Variants in CTNNA3 observed in about 807,000 individuals in gnomAD.
CTNNA3 encodes the protein catenin alpha 3, also known as catenin alpha-3.
In CTNNA3, 76 loss-of-function variants were observed where a neutral mutation model predicts 95.7. That is an observed-to-expected ratio of 0.79 (90% CI 0.66 to 0.96). CTNNA3 has a LOEUF of 0.96. CTNNA3 is among the 40% of genes least tolerant of loss of function. CTNNA3 has a pLI of 0.00. For synonymous variants in CTNNA3, 431 were observed against 374.4 expected (o/e 1.15, Z -1.74); for missense variants, 1,191 against 1,089.8 (o/e 1.09, Z -1.31).
chr10:66,428,166 A>T lies in CTNNA3; in HGVS notation c.1532-48814T>A, dbSNP rs554874554. On this transcript the variant is annotated intron_variant, in intron 11 of 17. Transcript: ENST00000433211. ...CAAAAGAGACAAAGAAGGCCATTAC[A>T]TAATGGTAAAGGAATCAATTCAACA... Among the ~76,000 whole-genome samples, 20 of 152,322 alleles carry T rather than the reference A, an allele frequency of 1.3e-4. 1 individual carries two copies. In the East Asian group the frequency reaches 3.7e-3, roughly 28 times the overall value.
At chr10:67,636,550 A>G (rs4384297) in intron 2 of CTNNA3, among the ~76,000 whole-genome samples, 20,108 of 152,090 alleles carry the variant, frequency 0.13, 2,364 homozygotes, top group African/African-American at 0.32. Context: ...GACAAACCTG[A>G]CAAAAACAAG....
intron 10 of CTNNA3, among the ~76,000 whole-genome samples, chr10:66,590,870 T>A (rs574808427): frequency 2.6e-5 from 4 of 152,216 alleles, no homozygotes; most frequent in African/African-American, 9.6e-5. Context: ...TATGTGCAGA[T>A]ATAAAAAGAG....
At chr10:67,448,269 G>A (rs1037731118) in intron 5 of CTNNA3, among the ~76,000 whole-genome samples, 1 of 152,152 alleles carries the variant, frequency 6.6e-6, no homozygotes, top group Admixed American at 6.5e-5. Context: ...TCCTGTGTAT[G>A]AAGAGAAATT....
intron 11 of CTNNA3, among the ~76,000 whole-genome samples, chr10:66,473,574 G>A (rs1839210899): frequency 2.0e-5 from 3 of 151,812 alleles, no homozygotes; most frequent in Admixed American, 2.0e-4. Context: ...GTGCAGGTTT[G>A]TTACACATGT....
chr10:66,124,135 T>C (rs1252224074), intron 13 of CTNNA3, among the ~76,000 whole-genome samples: 1 of 152,224 alleles, frequency 6.6e-6, no homozygotes, highest in Non-Finnish European at 1.5e-5. Context: ...CTGCTTCTCT[T>C]ATATAACTGA....
intron 10 of CTNNA3, among the ~76,000 whole-genome samples, chr10:66,593,495 G>A (rs980787291): frequency 1.3e-5 from 2 of 152,040 alleles, no homozygotes; most frequent in Non-Finnish European, 2.9e-5. Context: ...ATCTAGGGTA[G>A]GGCCTCAATA....
chr10:66,932,321 GAACTCAAAT>G (rs1847449237), intron 7 of CTNNA3, among the ~76,000 whole-genome samples: 1 of 152,160 alleles, frequency 6.6e-6, no homozygotes, highest in South Asian at 2.1e-4. Context: ...ACCAAAATGA[GAACTCAAAT>G]CGTTTATTTA....
intron 5 of CTNNA3, among the ~76,000 whole-genome samples, chr10:67,442,809 T>C (rs948295868): frequency 6.6e-6 from 1 of 151,988 alleles, no homozygotes; most frequent in Admixed American, 6.6e-5. Flanking sequence ...TTAATTATTA[T>C]TATACTTTAA....
chr10:66,227,392 G>A (rs1280349948), intron 13 of CTNNA3, among the ~76,000 whole-genome samples: 1 of 142,296 alleles, frequency 7.0e-6, no homozygotes, highest in Non-Finnish European at 1.5e-5. Context: ...TTTTTTTCAT[G>A]AGGTAATGTT....
chr10:67,728,079 T>C (rs988151316), intron 1 of CTNNA3, among the ~76,000 whole-genome samples: 8 of 140,696 alleles, frequency 5.7e-5, no homozygotes, highest in African/African-American at 2.2e-4. Context: ...ACATATTATA[T>C]ATTATATAAT....
intron 5 of CTNNA3, among the ~76,000 whole-genome samples, chr10:67,285,749 A>G (rs369939422): frequency 2.4e-4 from 36 of 152,194 alleles, no homozygotes; most frequent in African/African-American, 8.2e-4. Context: ...ATGTTTTTAT[A>G]TAATTAATGT....
chr10:66,220,420 G>T (rs1490761921), intron 13 of CTNNA3, among the ~76,000 whole-genome samples: 1 of 152,130 alleles, frequency 6.6e-6, no homozygotes, highest in Admixed American at 6.5e-5. Flanking sequence ...AGTGCTTCTG[G>T]GCGCCAGCAG....
chr10:67,235,294 T>C (rs1865402398), intron 5 of CTNNA3, among the ~76,000 whole-genome samples: 1 of 151,454 alleles, frequency 6.6e-6, no homozygotes, highest in Non-Finnish European at 1.5e-5. Flanking sequence ...CAAAACAGCA[T>C]GGTACTGGTA....
At chr10:66,855,130 T>A (rs895875457) in intron 7 of CTNNA3, among the ~76,000 whole-genome samples, 3 of 151,946 alleles carry the variant, frequency 2.0e-5, no homozygotes, top group Non-Finnish European at 4.4e-5. Flanking sequence ...ACACTCACTA[T>A]GGAAAGTACC....
intron 7 of CTNNA3, among the ~76,000 whole-genome samples, chr10:66,907,676 CA>C (rs1846045216): frequency 6.6e-6 from 1 of 152,038 alleles, no homozygotes; most frequent in African/African-American, 2.4e-5. Flanking sequence ...TTCACTCTAC[CA>C]TCAATTATAG....
chr10:66,637,425 A>G (rs1424989614), intron 9 of CTNNA3, among the ~76,000 whole-genome samples: 3 of 152,232 alleles, frequency 2.0e-5, no homozygotes, highest in African/African-American at 4.8e-5. Flanking sequence ...TCTCACCAGC[A>G]TTGCTCAAAG....
chr10:66,915,735 C>CAT (rs1846456722), intron 7 of CTNNA3, among the ~76,000 whole-genome samples: 1 of 137,184 alleles, frequency 7.3e-6, no homozygotes, highest in African/African-American at 2.6e-5. Flanking sequence ...CACACACACA[C>CAT]ATATATACAT....
intron 9 of CTNNA3, among the ~76,000 whole-genome samples, chr10:66,655,155 C>T (rs935877635): frequency 5.9e-5 from 9 of 152,050 alleles, no homozygotes; most frequent in African/African-American, 4.8e-5. Context: ...AGCCTTTCCA[C>T]AATGTATACA....
intron 13 of CTNNA3, among the ~76,000 whole-genome samples, chr10:66,141,943 C>T (rs1293147549): frequency 6.6e-6 from 1 of 152,098 alleles, no homozygotes; most frequent in Non-Finnish European, 1.5e-5. Flanking sequence ...ATTATTGTCT[C>T]CATGTCTGTG....
Sources: gnomAD v4.1 joint callset for allele counts (sites outside exome capture counted in the v4.1 genomes callset) on GRCh38, gnomAD v4.1.1 for gene constraint, MANE v1.5 for transcripts, NCBI Gene and HGNC (gene_info 2026-07-23, HGNC 2026-07-21) for gene names.